RIGI: variants seen among roughly 807,000 people sequenced by gnomAD.
The protein encoded by RIGI is RNA sensor RIG-I.
chr9:32,504,743 T>C, the RIGI span, among the ~76,000 whole-genome samples: 1 of 139,496 alleles, frequency 7.2e-6, no homozygotes, highest in Non-Finnish European at 1.5e-5. Flanking sequence ...ATATATTTAA[T>C]ACATAAAATA....
chr9:32,500,819 G>T, the RIGI span: 2 of 1,613,946 alleles, frequency 1.2e-6, no homozygotes, highest in African/African-American at 2.7e-5. Context: ...ATGGTCTAGG[G>T]CATCCAAAAA....
At chr9:32,501,893 C>A in the RIGI span, among the ~76,000 whole-genome samples, 1 of 152,170 alleles carries the variant, frequency 6.6e-6, no homozygotes, top group Non-Finnish European at 1.5e-5. Flanking sequence ...TCTGTCTTGA[C>A]AACAATAAAA....
chr9:32,469,381 T>C, the RIGI span, among the ~76,000 whole-genome samples: 1 of 152,322 alleles, frequency 6.6e-6, no homozygotes, highest in South Asian at 2.1e-4. Flanking sequence ...AATCCAATTC[T>C]TCCCTCTTGG....
chr9:32,508,784 A>G, the RIGI span, among the ~76,000 whole-genome samples: 1 of 152,102 alleles, frequency 6.6e-6, no homozygotes, highest in African/African-American at 2.4e-5. Flanking sequence ...GGCTGAAGCC[A>G]GGGAGCCAAG....
At chr9:32,504,120 C>T in the RIGI span, among the ~76,000 whole-genome samples, 1 of 151,152 alleles carries the variant, frequency 6.6e-6, no homozygotes, top group Non-Finnish European at 1.5e-5. Context: ...AAAAGTGCTG[C>T]AGCTTCCAGG....
At chr9:32,493,949 A>C in the RIGI span, 1 of 1,563,140 alleles carries the variant, frequency 6.4e-7, no homozygotes, top group African/African-American at 1.4e-5. Context: ...TAACCTGAAA[A>C]AAAAGAAAAA....
chr9:32,485,107 A>G, the RIGI span: 1 of 1,196,280 alleles, frequency 8.4e-7, no homozygotes, highest in African/African-American at 1.5e-5. Context: ...AGAACACAAA[A>G]AGACGATAGT....
chr9:32,455,336 A>G, the RIGI span, among the ~76,000 whole-genome samples: 2 of 152,226 alleles, frequency 1.3e-5, no homozygotes, highest in Admixed American at 6.5e-5. Context: ...ATAGATTCAC[A>G]GTTCCACATG....
At chr9:32,485,508 C>A in the RIGI span, 5 of 556,218 alleles carry the variant, frequency 9.0e-6, no homozygotes, top group Non-Finnish European at 1.6e-5. Context: ...ACCTGTCTTT[C>A]ATGGTGTAGG....
At chr9:32,475,287 G>T in the RIGI span, among the ~76,000 whole-genome samples, 1 of 152,006 alleles carries the variant, frequency 6.6e-6, no homozygotes, top group African/African-American at 2.4e-5. Flanking sequence ...AATCCCAGCA[G>T]ATTTTTTCAT....
the RIGI span, among the ~76,000 whole-genome samples, chr9:32,480,615 A>T: frequency 6.6e-6 from 1 of 152,230 alleles, no homozygotes; most frequent in Non-Finnish European, 1.5e-5. Context: ...CTTAGAAAAG[A>T]AAAACTGCAC....
chr9:32,460,597 CAT>C, the RIGI span, among the ~76,000 whole-genome samples: 2 of 151,880 alleles, frequency 1.3e-5, no homozygotes, highest in Non-Finnish European at 1.5e-5. Flanking sequence ...AAAGAGAAAA[CAT>C]AAAGGCTCAA....
chr9:32,479,173 A>G, the RIGI span, among the ~76,000 whole-genome samples: 1 of 152,244 alleles, frequency 6.6e-6, no homozygotes, highest in Non-Finnish European at 1.5e-5. Flanking sequence ...TGCAAAAACC[A>G]CCAAAAGCAT....
chr9:32,459,868 C>T, the RIGI span, among the ~76,000 whole-genome samples: 13 of 152,292 alleles, frequency 8.5e-5, no homozygotes, highest in African/African-American at 2.4e-4. Context: ...ATACAATATG[C>T]GCTGTTTCAG....
the RIGI span, chr9:32,468,008 T>C: frequency 7.3e-7 from 1 of 1,360,956 alleles, no homozygotes; most frequent in Admixed American, 2.2e-5. Flanking sequence ...CTACTAATTA[T>C]GGAATGCTTA....
At chr9:32,497,035 C>T in the RIGI span, among the ~76,000 whole-genome samples, 4 of 152,230 alleles carry the variant, frequency 2.6e-5, no homozygotes, top group Non-Finnish European at 5.9e-5. Flanking sequence ...ATTCAAGATG[C>T]CTTGAGATTC....
chr9:32,515,549 G>T, the RIGI span, among the ~76,000 whole-genome samples: 2 of 152,040 alleles, frequency 1.3e-5, no homozygotes, highest in Non-Finnish European at 2.9e-5. Flanking sequence ...GTATAGACTG[G>T]ATTTGTGTGA....
chr9:32,480,895 T>G, the RIGI span, among the ~76,000 whole-genome samples: 3 of 152,228 alleles, frequency 2.0e-5, no homozygotes, highest in Non-Finnish European at 4.4e-5. Flanking sequence ...CTATAGTTCC[T>G]TAACTTCTTG....
the RIGI span, among the ~76,000 whole-genome samples, chr9:32,497,754 A>AAAGG: frequency 3.9e-5 from 6 of 152,252 alleles, no homozygotes; most frequent in African/African-American, 1.4e-4. Flanking sequence ...CCGTCTCAAA[A>AAAGG]AATGAATGAA....
Sources: gnomAD v4.1 joint callset for allele counts (sites outside exome capture counted in the v4.1 genomes callset) on GRCh38, gnomAD v4.1.1 for gene constraint, MANE v1.5 for transcripts, NCBI Gene and HGNC (gene_info 2026-07-23, HGNC 2026-07-21) for gene names.